The following DMRT1 variants were observed in gnomAD, a reference collection of about 807,000 sequenced individuals.
The protein encoded by DMRT1 is doublesex and mab-3 related transcription factor 1.
In DMRT1, 7 loss-of-function variants were observed where a neutral mutation model predicts 32.3. The observed-to-expected ratio is 0.22, with a 90% CI of 0.12 to 0.41. The LOEUF is 0.41. Among genes scored for constraint, DMRT1 ranks in the 10% least tolerant of loss-of-function variants. The pLI, the probability that DMRT1 is intolerant of heterozygous loss-of-function variation, is 1.00. For missense variants in DMRT1, 625 were observed against 500.5 expected (o/e 1.25, Z -2.37); for synonymous variants, 278 against 206.1 (o/e 1.35, Z -2.99).
intron 2 of DMRT1, among the ~76,000 whole-genome samples, chr9:877,684 A>G (rs577751576): frequency 5.3e-5 from 8 of 152,226 alleles, no homozygotes; most frequent in East Asian, 1.9e-4. Flanking sequence ...GTCTCTGTTC[A>G]CTTTCCCAGT....
At chr9:867,229 A>C (rs1458418891) in intron 2 of DMRT1, among the ~76,000 whole-genome samples, 1 of 152,240 alleles carries the variant, frequency 6.6e-6, no homozygotes, top group Non-Finnish European at 1.5e-5. Context: ...GATTAAGCAA[A>C]GAAATGTAAT....
chr9:857,303 T>C (rs969034574), intron 2 of DMRT1, among the ~76,000 whole-genome samples: 7 of 129,752 alleles, frequency 5.4e-5, no homozygotes, highest in Non-Finnish European at 9.4e-5. Flanking sequence ...CAAGACTCTA[T>C]CTCAAAAAAA....
intron 2 of DMRT1, among the ~76,000 whole-genome samples, chr9:880,707 C>G (rs1358579698): frequency 3.6e-5 from 5 of 139,352 alleles, no homozygotes; most frequent in Admixed American, 3.0e-4. Context: ...ACCTGGGCAA[C>G]CAGCAAAACT....
At chr9:945,960 C>T (rs1819230531) in intron 4 of DMRT1, among the ~76,000 whole-genome samples, 1 of 151,968 alleles carries the variant, frequency 6.6e-6, no homozygotes. Flanking sequence ...ATGTATTGTT[C>T]CTCAGCACTT....
chr9:928,609 C>T (rs1032544931), intron 4 of DMRT1, among the ~76,000 whole-genome samples: 5 of 152,106 alleles, frequency 3.3e-5, no homozygotes, highest in African/African-American at 1.2e-4. Context: ...TTTCCATTGG[C>T]TTTGACTCTT....
chr9:930,247 C>T (rs1288913164), intron 4 of DMRT1, among the ~76,000 whole-genome samples: 1 of 151,968 alleles, frequency 6.6e-6, no homozygotes. Context: ...AGGGTCTCTG[C>T]TACCCAGGCT....
intron 2 of DMRT1, among the ~76,000 whole-genome samples, 186 bp downstream of exon 2, chr9:847,329 A>C (rs986390611): frequency 6.6e-6 from 1 of 152,188 alleles, no homozygotes; most frequent in Non-Finnish European, 1.5e-5. Context: ...TGAATTCTAG[A>C]AATGCAGGTT....
chr9:905,759 C>T (rs1288499926), intron 3 of DMRT1, among the ~76,000 whole-genome samples: 1 of 151,974 alleles, frequency 6.6e-6, no homozygotes, highest in Non-Finnish European at 1.5e-5. Context: ...CCATTTCATC[C>T]ATAAACACAG....
intron 4 of DMRT1, among the ~76,000 whole-genome samples, chr9:960,389 T>C (rs1476925363): frequency 1.3e-5 from 2 of 152,192 alleles, no homozygotes; most frequent in Non-Finnish European, 2.9e-5. Flanking sequence ...ATCCTATTAA[T>C]TTCCAATGGA....
intron 2 of DMRT1, among the ~76,000 whole-genome samples, chr9:857,613 T>C (rs1815455081): frequency 6.6e-6 from 1 of 152,324 alleles, no homozygotes; most frequent in East Asian, 1.9e-4. Flanking sequence ...ATAGTTTTAA[T>C]CTGTGAGTTT....
Position 885,177 on chromosome 9 carries a change from G to T in DMRT1, c.539-8735G>T, listed in dbSNP as rs141774437. On this transcript the variant is annotated intron_variant, in intron 2 of 4. Coordinates refer to ENST00000382276, the MANE Select transcript of DMRT1 (RefSeq NM_021951.3). Reference sequence around the variant, plus strand: ...CGACCCCATGGCAGTGTCTAGGGGTGAATGTTTACAGCTGAAGCCCCAGTG... The same window carrying T: ...CGACCCCATGGCAGTGTCTAGGGGTTAATGTTTACAGCTGAAGCCCCAGTG... Among the ~76,000 whole-genome samples the T allele has an allele frequency of 6.5e-3, 991 of 152,290 alleles. 9 individuals carry two copies. Among genetic ancestry groups the T allele is most frequent in the African/African-American group, 0.023 (950 of 41,548 alleles).
rs201153004 is a variant in DMRT1 at position 942,469 on chromosome 9, AG to A, written c.968-25515del. On this transcript the variant is annotated intron_variant, in intron 4 of 4. Transcript: ENST00000382276. ...TTAATATTTTGTAGCGATGGGGTTT[AG>A]CCATGTTGCCGAAGCTGGTCTTGAA... Among the ~76,000 whole-genome samples, 453 of 152,170 alleles carry A rather than the reference AG, an allele frequency of 3.0e-3. 5 individuals carry two copies. The highest frequency in any genetic ancestry group is 0.021 in the Admixed American group (326 of 15,280).
At chr9:937,094 C>T (rs966840934) in intron 4 of DMRT1, among the ~76,000 whole-genome samples, 1 of 152,276 alleles carries the variant, frequency 6.6e-6, no homozygotes, top group Middle Eastern at 3.4e-3. Flanking sequence ...TGGAATGATG[C>T]CATATTTGTC....
At chr9:865,437 T>C (rs1815938102) in intron 2 of DMRT1, among the ~76,000 whole-genome samples, 1 of 152,080 alleles carries the variant, frequency 6.6e-6, no homozygotes, top group Non-Finnish European at 1.5e-5. Context: ...ATATGTATGG[T>C]ACTTAATTTT....
intron 4 of DMRT1, among the ~76,000 whole-genome samples, chr9:945,077 G>T (rs564051471): frequency 6.6e-6 from 1 of 152,100 alleles, no homozygotes; most frequent in African/African-American, 2.4e-5. Context: ...TTGCAAAATA[G>T]CATTTTCAAA....
intron 3 of DMRT1, chr9:895,104 C>G (rs1272551931): frequency 6.6e-6 from 1 of 152,212 alleles, no homozygotes; most frequent in Non-Finnish European, 1.5e-5. Flanking sequence ...CATGAGCCAC[C>G]GTGTCCGGCC....
chr9:858,261 G>A (rs1421474910), intron 2 of DMRT1, among the ~76,000 whole-genome samples: 1 of 152,146 alleles, frequency 6.6e-6, no homozygotes, highest in Non-Finnish European at 1.5e-5. Context: ...TAGCATTGGG[G>A]AACTTTTACA....
chr9:944,382 C>G (rs1319617199), intron 4 of DMRT1, among the ~76,000 whole-genome samples: 1 of 152,154 alleles, frequency 6.6e-6, no homozygotes, highest in African/African-American at 2.4e-5. Flanking sequence ...GTAATTTCCC[C>G]TCCAGCATCC....
intron 4 of DMRT1, among the ~76,000 whole-genome samples, chr9:952,062 T>C (rs1467830983): frequency 2.0e-5 from 3 of 152,154 alleles, no homozygotes; most frequent in Non-Finnish European, 4.4e-5. Context: ...TCAGAGCTGT[T>C]AAATGATTGC....
Sources: allele counts gnomAD v4.1 joint callset (sites outside exome capture counted in the v4.1 genomes callset), GRCh38; gene constraint gnomAD v4.1.1; transcripts MANE v1.5; gene names NCBI Gene and HGNC (gene_info 2026-07-23, HGNC 2026-07-21).